The following HTR1F variants were observed in gnomAD, a reference collection of about 807,000 sequenced individuals.
HTR1F encodes 5-hydroxytryptamine receptor 1F.
A neutral mutation model predicts 24.0 loss-of-function variants in HTR1F; 17 were observed. The observed-to-expected ratio is 0.71, with a 90% CI of 0.48 to 1.06. HTR1F has a LOEUF of 1.06. Among genes scored for constraint, HTR1F ranks in the 50% least tolerant of loss-of-function variants. HTR1F has a pLI of 0.00. For synonymous variants in HTR1F, 186 were observed against 156.8 expected, an observed-to-expected ratio of 1.19 and a Z score of -1.39; for missense variants, 391 against 427.8, an observed-to-expected ratio of 0.91 and a Z score of 0.76.
intron 2 of HTR1F, among the ~76,000 whole-genome samples, chr3:87,832,356 C>G (rs984743041): frequency 7.8e-6 from 1 of 127,894 alleles, no homozygotes; most frequent in Non-Finnish European, 1.6e-5. Context: ...GAGATGGAGT[C>G]TCGCTCTGTC....
rs1467869542 is a variant in HTR1F at position 87,822,098 on chromosome 3, A to C, written c.-69A>C. On this transcript the variant is annotated 5_prime_UTR_variant, in exon 2 of 3. Coordinates refer to ENST00000319595, the MANE Select transcript of HTR1F (RefSeq NM_001322209.2). ...ATGAGGAGACGAAATGGTGATGAAA[A>C]CCCACAATTCAATCTACCACAGTAT... 6.6e-6 allele frequency among the ~76,000 whole-genome samples: 1 copy of C among 152,192 alleles called. No individual in the cohort carries two copies. Among genetic ancestry groups the C allele is most frequent in the African/African-American group, 2.4e-5 (1 of 41,446 alleles).
intron 2 of HTR1F, among the ~76,000 whole-genome samples, chr3:87,914,115 G>T (rs1703838681): frequency 6.6e-6 from 1 of 152,104 alleles, no homozygotes; most frequent in Non-Finnish European, 1.5e-5. Context: ...TACAAGGGAA[G>T]ATTTTGACCT....
chr3:87,942,477 A>C (rs1704593150), intron 2 of HTR1F, among the ~76,000 whole-genome samples: 1 of 151,944 alleles, frequency 6.6e-6, no homozygotes, highest in Admixed American at 6.6e-5. Flanking sequence ...GGGCACCCTC[A>C]GTCCTGCTGC....
chr3:87,821,056 T>C (rs566486638), intron 1 of HTR1F, among the ~76,000 whole-genome samples: 25 of 152,342 alleles, frequency 1.6e-4, no homozygotes, highest in African/African-American at 5.8e-4. Flanking sequence ...TGGTAATATT[T>C]GATATTTCAT....
intron 2 of HTR1F, among the ~76,000 whole-genome samples, chr3:87,840,594 T>C (rs1177680182): frequency 6.6e-6 from 1 of 152,156 alleles, no homozygotes; most frequent in African/African-American, 2.4e-5. Context: ...ATCCCACTAC[T>C]GGAGTATACC....
At chr3:87,814,596 A>G (rs1293121719) in intron 1 of HTR1F, among the ~76,000 whole-genome samples, 2 of 152,166 alleles carry the variant, frequency 1.3e-5, no homozygotes, top group Non-Finnish European at 1.5e-5. Flanking sequence ...TAGATTCCAA[A>G]TATTAAGACT....
At chr3:87,847,428 T>G (rs1397729090) in intron 2 of HTR1F, among the ~76,000 whole-genome samples, 1 of 151,892 alleles carries the variant, frequency 6.6e-6, no homozygotes, top group East Asian at 1.9e-4. Context: ...ATTTTACATA[T>G]TTATGGGAGT....
intron 2 of HTR1F, among the ~76,000 whole-genome samples, chr3:87,853,835 T>C (rs1705141616): frequency 6.6e-6 from 1 of 152,128 alleles, no homozygotes; most frequent in African/African-American, 2.4e-5. Context: ...CTTTTTCTCA[T>C]ATGGTTGTTG....
At chr3:87,832,312 C>G (rs1364746125) in intron 2 of HTR1F, among the ~76,000 whole-genome samples, 4 of 147,768 alleles carry the variant, frequency 2.7e-5, no homozygotes, top group South Asian at 2.1e-4. Context: ...TAAGAATATC[C>G]CTTCTTTTTT....
At chr3:87,969,384 G>A (rs1203111565) in intron 2 of HTR1F, among the ~76,000 whole-genome samples, 1 of 152,248 alleles carries the variant, frequency 6.6e-6, no homozygotes, top group East Asian at 1.9e-4. Flanking sequence ...AGCTGCCCAA[G>A]ACCATGGGAA....
intron 2 of HTR1F, among the ~76,000 whole-genome samples, chr3:87,919,451 A>G (rs929170661): frequency 1.3e-5 from 2 of 152,156 alleles, no homozygotes; most frequent in Admixed American, 6.6e-5. Flanking sequence ...ACAGAGTGGG[A>G]AAAAGTCTTC....
chr3:87,815,593 C>T (rs1316535610), intron 1 of HTR1F, among the ~76,000 whole-genome samples: 1 of 152,006 alleles, frequency 6.6e-6, no homozygotes. Flanking sequence ...ACCAGTTTAC[C>T]TTGATGATCT....
chr3:87,970,873 T>C (rs1576104490), intron 2 of HTR1F, among the ~76,000 whole-genome samples: 1 of 152,366 alleles, frequency 6.6e-6, no homozygotes, highest in East Asian at 1.9e-4. Context: ...CTACTGAGCA[T>C]TTCCAAAGAA....
chr3:87,990,281 G>A (rs770047566), intron 2 of HTR1F, among the ~76,000 whole-genome samples: 5 of 152,148 alleles, frequency 3.3e-5, no homozygotes, highest in Non-Finnish European at 7.3e-5. Context: ...TAAGGGCACT[G>A]GCTCTATCAG....
chr3:87,978,187 G>T (rs1161009969), intron 2 of HTR1F, among the ~76,000 whole-genome samples: 1 of 152,140 alleles, frequency 6.6e-6, no homozygotes, highest in Non-Finnish European at 1.5e-5. Flanking sequence ...AGGGGAACAT[G>T]GTGGCACTCA....
chr3:87,814,208 T>G (rs1704209273), intron 1 of HTR1F, among the ~76,000 whole-genome samples: 1 of 152,174 alleles, frequency 6.6e-6, no homozygotes, highest in South Asian at 2.1e-4. Flanking sequence ...CCCAACATCA[T>G]AACCTAGTGT....
chr3:87,940,236 T>C (rs147352046), intron 2 of HTR1F, among the ~76,000 whole-genome samples: 144 of 152,344 alleles, frequency 9.5e-4, no homozygotes, highest in African/African-American at 3.2e-3. Flanking sequence ...AGACTGTTTG[T>C]TATGATTTCC....
At chr3:87,846,101 A>G (rs960627138) in intron 2 of HTR1F, among the ~76,000 whole-genome samples, 10 of 151,832 alleles carry the variant, frequency 6.6e-5, no homozygotes, top group Non-Finnish European at 1.5e-4. Flanking sequence ...AAGAGAGTAA[A>G]CAGATAATTA....
rs143818058 is a variant in HTR1F, at chr3:87,981,305, C to T, written c.-42-9403C>T. Among the ~76,000 whole-genome samples, 571 of 152,326 alleles carry T rather than the reference C, an allele frequency of 3.7e-3. 4 individuals are homozygous for T. Among genetic ancestry groups the T allele is most frequent in the African/African-American group, 0.013 (550 of 41,570 alleles). On this transcript the variant is annotated intron_variant, in intron 2 of 2. Coordinates refer to ENST00000319595, the MANE Select transcript of HTR1F (RefSeq NM_001322209.2). ...CACCTCCCAGGTTCAAGCAATTCAC[C>T]TGCCTCAGCCTCCTGAGTAGCTGGG... is the stretch of plus-strand genomic sequence containing the variant.
Sources: allele counts gnomAD v4.1 joint callset (sites outside exome capture counted in the v4.1 genomes callset), GRCh38; gene constraint gnomAD v4.1.1; transcripts MANE v1.5; gene names NCBI Gene and HGNC (gene_info 2026-07-23, HGNC 2026-07-21).